NTM: variants seen among roughly 807,000 people sequenced by gnomAD.
NTM encodes the protein neurotrimin.
A neutral mutation model predicts 42.1 loss-of-function variants in NTM; 13 were observed. The ratio of observed to expected loss-of-function variants is 0.31; its 90% CI spans 0.20 to 0.49. The LOEUF (loss-of-function observed/expected upper bound fraction) is 0.49, where lower values mean the gene tolerates loss of function less well. Among genes scored for constraint, NTM ranks in the 20% least tolerant of loss-of-function variants. NTM has a pLI of 0.99. For missense variants in NTM, 373 were observed against 452.8 expected (o/e 0.82, Z 1.60); for synonymous variants, 187 against 179.2 (o/e 1.04, Z -0.35).
chr11:132,061,267 AT>A (rs2080629085), intron 2 of NTM, among the ~76,000 whole-genome samples: 1 of 152,168 alleles, frequency 6.6e-6, no homozygotes, highest in Non-Finnish European at 1.5e-5. Flanking sequence ...GCATTGGCAT[AT>A]TTTTTGTGTA....
chr11:131,498,296 A>G (rs1385110045), intron 1 of NTM, among the ~76,000 whole-genome samples: 1 of 152,210 alleles, frequency 6.6e-6, no homozygotes, highest in Non-Finnish European at 1.5e-5. Flanking sequence ...TGTATTCTGT[A>G]AAAGAGAGGT....
chr11:132,314,141 G>C lies in NTM; in HGVS notation c.783-411G>C, dbSNP rs548336162. 2.0e-5 allele frequency among the ~76,000 whole-genome samples: 3 copies of C among 151,976 alleles called. No homozygotes were observed. The South Asian group carries it at 6.2e-4, about 32-fold the overall frequency. On this transcript the variant is annotated intron_variant, in intron 6 of 8. Transcript: ENST00000683400. The stretch of plus-strand genomic sequence containing the variant: ...CAGGTGGCTCTTCTCTCAGAAGTTT[G>C]AGTTTTTCATTTGCATGGTTGTCAT...
chr11:131,481,619 TGCAGGGCCC>T (rs1419498389), intron 1 of NTM, among the ~76,000 whole-genome samples: 4 of 44,648 alleles, frequency 9.0e-5, no homozygotes, highest in South Asian at 7.0e-4. Flanking sequence ...GCTGTGTGGT[TGCAGGGCCC>T]TGTTGCAGGG....
chr11:131,773,399 T>C (rs1291721638), intron 1 of NTM, among the ~76,000 whole-genome samples: 2 of 152,252 alleles, frequency 1.3e-5, no homozygotes, highest in African/African-American at 4.8e-5. Context: ...GTTCAAACCA[T>C]AGCACTAGGG....
At position 132,334,267 on chromosome 11, in the gene NTM, C is replaced by T. The variant is rs575046737; in HGVS notation, c.968-779C>T. On this transcript the variant is annotated intron_variant, in intron 8 of 8. Coordinates refer to ENST00000683400, the MANE Select transcript of NTM (RefSeq NM_001352005.2). The stretch of plus-strand genomic sequence containing the variant: ...ACTGTACTGCCTTGCAGTTCTCCTG[C>T]CTCCTGTGTTTGTCTCCATCTCCAT... Among the ~76,000 whole-genome samples the T allele has an allele frequency of 3.3e-5, 5 of 152,326 alleles. No individual in the cohort carries two copies. In the South Asian group the frequency reaches 1.0e-3, roughly 32 times the overall value.
intron 1 of NTM, among the ~76,000 whole-genome samples, chr11:131,511,622 A>G (rs2048264118): frequency 6.6e-6 from 1 of 150,712 alleles, no homozygotes; most frequent in African/African-American, 2.4e-5. Flanking sequence ...ACTGGGTCTC[A>G]TCTCTGCTTA....
At chr11:131,438,275 T>C (rs1469297093) in intron 1 of NTM, among the ~76,000 whole-genome samples, 3 of 152,142 alleles carry the variant, frequency 2.0e-5, no homozygotes, top group African/African-American at 7.2e-5. Context: ...TTGCTCTTCT[T>C]GAGGAGTATC....
At chr11:131,414,026 G>T (rs1173968672) in intron 1 of NTM, among the ~76,000 whole-genome samples, 1 of 152,198 alleles carries the variant, frequency 6.6e-6, no homozygotes, top group South Asian at 2.1e-4. Context: ...TTTTGGGCAA[G>T]CCTGCAACTG....
rs750982921 is a variant in NTM, at chr11:132,321,398, G to A, written c.934+6695G>A. Among the ~76,000 whole-genome samples the A allele has an allele frequency of 4.2e-3, 641 of 152,246 alleles. 5 individuals carry two copies. The highest frequency in any genetic ancestry group is 7.5e-3 in the Non-Finnish European group (512 of 68,024). On this transcript the variant is annotated intron_variant, in intron 7 of 8. Transcript: ENST00000683400. ...GAAGAATGCAGAAGCCTCAGGAGCCGATGTGATCAACTGGAAGAAAGGGTA... is the reference window on the plus strand; with the variant it reads ...GAAGAATGCAGAAGCCTCAGGAGCCAATGTGATCAACTGGAAGAAAGGGTA...
intron 1 of NTM, among the ~76,000 whole-genome samples, chr11:131,512,865 C>T (rs1030068124): frequency 1.3e-5 from 2 of 152,150 alleles, no homozygotes; most frequent in African/African-American, 4.8e-5. Context: ...CCACCCTCTC[C>T]CTGTCTTGAC....
At chr11:131,802,082 A>G (rs1526564) in intron 1 of NTM, among the ~76,000 whole-genome samples, 66,806 of 152,072 alleles carry the variant, frequency 0.44, 17,056 homozygotes, top group Non-Finnish European at 0.57. Flanking sequence ...ATTACAATGC[A>G]TAGGTAAGAG....
chr11:131,871,245 T>C (rs1307593613), intron 1 of NTM, among the ~76,000 whole-genome samples: 1 of 152,220 alleles, frequency 6.6e-6, no homozygotes, highest in African/African-American at 2.4e-5. Context: ...TGCTCAGTGG[T>C]GCTCAGTCGC....
chr11:132,278,207 G>C (rs915867946), intron 4 of NTM, among the ~76,000 whole-genome samples: 1 of 152,194 alleles, frequency 6.6e-6, no homozygotes, highest in African/African-American at 2.4e-5. Flanking sequence ...CTAGTGCTGT[G>C]TAAGAAACCA....
chr11:132,003,524 G>A lies in NTM; in HGVS notation c.167+91876G>A, dbSNP rs1029125144. On this transcript the variant is annotated intron_variant, in intron 2 of 8. Coordinates refer to ENST00000683400, the MANE Select transcript of NTM (RefSeq NM_001352005.2). The surrounding 1 kb of genome is among the most constrained non-coding windows in gnomAD (Gnocchi z 6.0). The stretch of plus-strand genomic sequence containing the variant: ...GACCTCCAATGTGCTGGGATTATAA[G>A]CATTAGCCACTGCGCCTGGCCCATG... Among the ~76,000 whole-genome samples the A allele has an allele frequency of 1.3e-5, 2 of 152,170 alleles. No homozygotes were observed. Among genetic ancestry groups the A allele is most frequent in the Non-Finnish European group, 2.9e-5 (2 of 68,034 alleles).
intron 1 of NTM, among the ~76,000 whole-genome samples, chr11:131,782,420 A>G (rs2088326629): frequency 6.6e-6 from 1 of 152,036 alleles, no homozygotes; most frequent in Non-Finnish European, 1.5e-5. Flanking sequence ...ATTATATAAA[A>G]TATTTAAGGA....
intron 4 of NTM, among the ~76,000 whole-genome samples, chr11:132,302,792 T>A (rs2094915947): frequency 6.6e-6 from 1 of 152,232 alleles, no homozygotes; most frequent in Non-Finnish European, 1.5e-5. Context: ...AGGCCTGGTG[T>A]GCTCCATCAC....
chr11:132,065,423 A>G (rs966950921), intron 2 of NTM, among the ~76,000 whole-genome samples: 1 of 152,164 alleles, frequency 6.6e-6, no homozygotes, highest in African/African-American at 2.4e-5. Context: ...GGGCTTCCTC[A>G]TCTCATTACT....
chr11:132,043,956 CTATGTGTGTGTGTGTGTGTGTG>C (rs1306820550), intron 2 of NTM, among the ~76,000 whole-genome samples: 1 of 98,998 alleles, frequency 1.0e-5, no homozygotes, highest in African/African-American at 4.0e-5. Context: ...CAGACACCAA[CTATGTGTGTGTGTGTGTGTGTG>C]TGTGTGTGTG....
chr11:131,480,131 CTTT>C lies in NTM; in HGVS notation c.82+109258_82+109260del, dbSNP rs55747636. On this transcript the variant is annotated intron_variant, in intron 1 of 8. Transcript: ENST00000683400. ...ATTCAATTATTGTTTATCTTGATTA[CTTT>C]TTTTTTTTTTTTTTGCACTTTCTTA... Among the ~76,000 whole-genome samples, 558 of 134,454 alleles carry C rather than the reference CTTT, an allele frequency of 4.2e-3. 1 individual carries two copies. The highest frequency in any genetic ancestry group is 0.019 in the East Asian group (86 of 4,588). The allele number at this position is 134,454 out of a possible 152,430, so 88.2% of individuals were successfully genotyped here. A position where few individuals can be genotyped will look rare whatever the true frequency, so the allele number is the denominator to read the frequency against.
Sources: allele counts gnomAD v4.1 joint callset (sites outside exome capture counted in the v4.1 genomes callset), GRCh38; gene constraint gnomAD v4.1.1; non-coding constraint Gnocchi (gnomAD v3.1); transcripts MANE v1.5; gene names NCBI Gene and HGNC (gene_info 2026-07-23, HGNC 2026-07-21).